Variants in CTDSPL2 observed in about 807,000 individuals in gnomAD.
CTDSPL2 encodes CTD small phosphatase like 2.
CTDSPL2 carries 5 observed loss-of-function variants against 60.0 expected under a neutral mutation model. That is an observed-to-expected ratio of 0.08 (90% CI 0.04 to 0.18). The LOEUF (loss-of-function observed/expected upper bound fraction) is 0.18, where lower values mean the gene tolerates loss of function less well. Ranked by LOEUF, CTDSPL2 falls within the 10% of genes least tolerant of loss-of-function variation. The pLI, the probability that CTDSPL2 is intolerant of heterozygous loss-of-function variation, is 1.00. For missense variants in CTDSPL2, 370 were observed against 548.8 expected, an observed-to-expected ratio of 0.67 and a Z score of 3.26; for synonymous variants, 186 against 189.3, an observed-to-expected ratio of 0.98 and a Z score of 0.14.
At position 44,521,360 on chromosome 15, in the gene CTDSPL2, A is replaced by C. The variant is rs145613424; in HGVS notation, c.1289A>C (p.Asn430Thr). 2 of 1,594,010 alleles carry C rather than the reference A, an allele frequency of 1.3e-6. No homozygotes were observed. Among genetic ancestry groups the C allele is most frequent in the Non-Finnish European group, 1.7e-6 (2 of 1,164,432 alleles). The change falls in exon 12 of 13, where the codon AAT becomes ACT. Residue 430 changes from asparagine to threonine, a missense_variant. Physicochemically the swap from Asn to Thr is moderately conservative, Grantham distance 65. This residue lies in a region of CTDSPL2 where 46 missense variants were observed against 126.0 expected (regional missense o/e 0.37). Coordinates refer to ENST00000260327, the MANE Select transcript of CTDSPL2 (RefSeq NM_016396.3). Reference protein sequence around the residue: ...IESWFMDKNDNELLKLIPFLE... With the variant: ...IESWFMDKNDTELLKLIPFLE... Reference sequence around the variant, plus strand: ...AGTTGGTTTATGGATAAAAATGACAATGAACTCCTAAAATTGATTCCATTC... The same window carrying C: ...AGTTGGTTTATGGATAAAAATGACACTGAACTCCTAAAATTGATTCCATTC...
intron 10 of CTDSPL2, among the ~76,000 whole-genome samples, chr15:44,515,777 G>A (rs1317862869): frequency 1.3e-5 from 2 of 151,840 alleles, no homozygotes; most frequent in Non-Finnish European, 2.9e-5. Context: ...GGAGGCTGAG[G>A]CAGGAGAATC....
At chr15:44,481,667 G>A (rs982507814) in intron 2 of CTDSPL2, among the ~76,000 whole-genome samples, 9 of 152,062 alleles carry the variant, frequency 5.9e-5, no homozygotes, top group African/African-American at 2.2e-4. Flanking sequence ...TCCACCTCCC[G>A]GGTTCAAGCG....
chr15:44,486,262 T>C (rs1323949630), intron 3 of CTDSPL2, among the ~76,000 whole-genome samples: 1 of 152,240 alleles, frequency 6.6e-6, no homozygotes, highest in Non-Finnish European at 1.5e-5. Flanking sequence ...TTTCTTCATT[T>C]TGTGTTATAC....
intron 11 of CTDSPL2, chr15:44,520,918 A>G (rs2081756292): frequency 6.5e-6 from 1 of 152,888 alleles, no homozygotes; most frequent in Non-Finnish European, 1.5e-5. Context: ...AAAAAAAAGT[A>G]TAGGCTTTTC....
At position 44,513,084 on chromosome 15, in the gene CTDSPL2, A is replaced by C. The variant is rs556953699; in HGVS notation, c.970-1514A>C. ...AAGACTCCTTCTCAAAAAAAAAAAA[A>C]AACTAATAGGATTAAAAACAAGTAA... On this transcript the variant is annotated intron_variant, in intron 8 of 12. Transcript: ENST00000260327. 2.7e-4 allele frequency among the ~76,000 whole-genome samples: 41 copies of C among 151,938 alleles called. No individual in the cohort carries two copies. In the East Asian group the frequency reaches 7.8e-3, roughly 29 times the overall value.
In CTDSPL2 at chr15:44,489,748, G is replaced by A. The variant is rs141767654; in HGVS notation, c.476-1036G>A. Reference sequence around the variant, plus strand: ...AATAGAGCAGTAAACTAGTAGCTATGTATTAAACTTCTTTGCGATTGAGAG... The same window carrying A: ...AATAGAGCAGTAAACTAGTAGCTATATATTAAACTTCTTTGCGATTGAGAG... On this transcript the variant is annotated intron_variant, in intron 4 of 12. Coordinates refer to ENST00000260327, the MANE Select transcript of CTDSPL2 (RefSeq NM_016396.3). 2.9e-3 allele frequency among the ~76,000 whole-genome samples: 444 copies of A among 152,320 alleles called. 3 individuals are homozygous for A. Among genetic ancestry groups the A allele is most frequent in the African/African-American group, 0.01 (422 of 41,584 alleles).
intron 1 of CTDSPL2, among the ~76,000 whole-genome samples, chr15:44,443,016 C>T (rs754344120): frequency 3.3e-5 from 5 of 151,988 alleles, no homozygotes; most frequent in African/African-American, 4.8e-5. Context: ...TTCCAGAGTC[C>T]TTATCTCTTA....
rs939181760 is a variant in CTDSPL2 at position 44,526,105 on chromosome 15, C to A, written c.*1931C>A. 1 of 152,016 alleles carries A rather than the reference C, an allele frequency of 6.6e-6. No individual in the cohort carries two copies. Among genetic ancestry groups the A allele is most frequent in the Admixed American group, 6.6e-5 (1 of 15,258 alleles). 9.4% of individuals were successfully genotyped at this position (152,016 alleles called of 1,614,324 possible). A position where few individuals can be genotyped will look rare whatever the true frequency, so the allele number is the denominator to read the frequency against. ...ATGAGAATCTTTGAAATGTATTTATCTTTAGGGCATCTGGGCATCTTTATG... is the reference window on the plus strand; with the variant it reads ...ATGAGAATCTTTGAAATGTATTTATATTTAGGGCATCTGGGCATCTTTATG... On this transcript the variant is annotated 3_prime_UTR_variant, in exon 13 of 13. Transcript: ENST00000260327.
chr15:44,437,685 G>A (rs1329545505), intron 1 of CTDSPL2, among the ~76,000 whole-genome samples: 2 of 152,138 alleles, frequency 1.3e-5, no homozygotes, highest in Non-Finnish European at 2.9e-5. Context: ...TAACTCGTGT[G>A]CCAGGTTACT....
chr15:44,471,919 G>A (rs942394065), intron 2 of CTDSPL2, among the ~76,000 whole-genome samples: 6 of 151,230 alleles, frequency 4.0e-5, no homozygotes, highest in African/African-American at 1.5e-4. Context: ...CATCCATGGT[G>A]CATTTGTTCT....
chr15:44,455,491 C>G (rs561621239), intron 1 of CTDSPL2, among the ~76,000 whole-genome samples: 53 of 152,320 alleles, frequency 3.5e-4, no homozygotes, highest in African/African-American at 1.1e-3. Flanking sequence ...GCATCCCTGT[C>G]TTGTGCCAGT....
intron 8 of CTDSPL2, among the ~76,000 whole-genome samples, chr15:44,506,412 C>CTTTTTTTTTTTTTTTTTTTTTT (rs764238056): frequency 3.6e-5 from 4 of 112,392 alleles, no homozygotes; most frequent in African/African-American, 1.5e-4. Context: ...CCTACTTTGA[C>CTTTTTTTTTTTTTTTTTTTTTT]TTTTTTTTTT....
intron 1 of CTDSPL2, among the ~76,000 whole-genome samples, chr15:44,456,101 C>T (rs866125667): frequency 2.0e-5 from 3 of 151,936 alleles, no homozygotes; most frequent in Non-Finnish European, 2.9e-5. Flanking sequence ...CCACCCGCCT[C>T]GGCCTCCCAA....
Position 44,521,937 on chromosome 15 carries a change from C to CAAAA in CTDSPL2, c.1335+554_1335+557dup, listed in dbSNP as rs904398715. 2.4e-3 allele frequency among the ~76,000 whole-genome samples: 147 copies of CAAAA among 60,752 alleles called. 35 individuals carry two copies. Among genetic ancestry groups the CAAAA allele is most frequent in the African/African-American group, 9.5e-3 (114 of 11,952 alleles). 39.9% of individuals were successfully genotyped at this position (60,752 alleles called of 152,430 possible). ...TGGGCGACAGAGCGAGACTCCGTCTCAAAAAAAAAAAAAAAAAAAAAAAAA... is the reference window on the plus strand; with the variant it reads ...TGGGCGACAGAGCGAGACTCCGTCTCAAAAAAAAAAAAAAAAAAAAAAAAAAAAA... On this transcript the variant is annotated intron_variant, in intron 12 of 12. Transcript: ENST00000260327.
chr15:44,507,857 C>T (rs1397886219), intron 8 of CTDSPL2, among the ~76,000 whole-genome samples: 2 of 152,144 alleles, frequency 1.3e-5, no homozygotes, highest in Non-Finnish European at 2.9e-5. Context: ...GCTATTGGCA[C>T]TTTGAATGTA....
intron 1 of CTDSPL2, among the ~76,000 whole-genome samples, chr15:44,444,090 G>T (rs1004282807): frequency 1.2e-4 from 18 of 151,740 alleles, no homozygotes; most frequent in Admixed American, 3.3e-4. Flanking sequence ...AGTTTTTTAG[G>T]GATGGGGTCT....
intron 8 of CTDSPL2, among the ~76,000 whole-genome samples, chr15:44,500,821 T>A (rs991705464): frequency 6.6e-6 from 1 of 152,182 alleles, no homozygotes. Context: ...GTAAGAGGAT[T>A]TATTTTAGTT....
At chr15:44,463,541 C>G (rs146925639) in intron 2 of CTDSPL2, among the ~76,000 whole-genome samples, 11 of 152,276 alleles carry the variant, frequency 7.2e-5, no homozygotes, top group African/African-American at 2.6e-4. Context: ...AAATCATATT[C>G]TATAAGATTA....
At chr15:44,484,145 T>A in intron 2 of CTDSPL2, 79 bp from the exon 3 acceptor site, 1 of 1,268,266 alleles carries the variant, frequency 7.9e-7, no homozygotes, top group Non-Finnish European at 1.1e-6. Context: ...TATTATACCG[T>A]ATTTTTTCAT....
Sources: gnomAD v4.1 joint callset for allele counts (sites outside exome capture counted in the v4.1 genomes callset) on GRCh38, gnomAD v4.1.1 for gene constraint, gnomAD v4.1.1 regional missense constraint, MANE v1.5 for transcripts, NCBI Gene and HGNC (gene_info 2026-07-23, HGNC 2026-07-21) for gene names.